CFAP69: variants seen among roughly 807,000 people sequenced by gnomAD.
CFAP69 encodes the protein cilia- and flagella-associated protein 69.
Under a neutral mutation model 123.0 loss-of-function variants are expected in CFAP69, and 92 were observed. That is an observed-to-expected ratio of 0.75 (90% CI 0.63 to 0.89). CFAP69 has a LOEUF of 0.89. Ranked by LOEUF, CFAP69 falls within the 40% of genes least tolerant of loss-of-function variation. The probability of loss-of-function intolerance (pLI) is 0.00; values close to 1 mark genes in which losing one functional copy is unlikely to be tolerated. For missense variants in CFAP69, 1,067 were observed against 1,096.9 expected, an observed-to-expected ratio of 0.97 and a Z score of 0.39; for synonymous variants, 380 against 364.3, an observed-to-expected ratio of 1.04 and a Z score of -0.49.
intron 6 of CFAP69, among the ~76,000 whole-genome samples, chr7:90,271,199 C>G (rs1159220949): frequency 6.6e-6 from 1 of 152,010 alleles, no homozygotes; most frequent in Non-Finnish European, 1.5e-5. Flanking sequence ...ACTCTGGGTC[C>G]CAGGTCAAAC....
chr7:90,314,584 G>A (rs1281236298), downstream of CFAP69, among the ~76,000 whole-genome samples: 2 of 150,872 alleles, frequency 1.3e-5, no homozygotes, highest in Non-Finnish European at 2.9e-5. Context: ...AGCCGTGATT[G>A]CACCACTGAC....
intron 5 of CFAP69, 51 bp downstream of exon 5, chr7:90,265,428 A>G (rs1160725358): frequency 1.7e-6 from 2 of 1,209,908 alleles, no homozygotes; most frequent in African/African-American, 1.5e-5. Flanking sequence ...GACAGGTCCT[A>G]CTGACAAGGG....
At chr7:90,256,465 G>A (rs970441428) in intron 2 of CFAP69, among the ~76,000 whole-genome samples, 6 of 151,520 alleles carry the variant, frequency 4.0e-5, no homozygotes, top group Admixed American at 1.3e-4. Context: ...CACATGGCAC[G>A]TGTATACCTA....
At chr7:90,305,724 T>C in intron 19 of CFAP69, among the ~76,000 whole-genome samples, 1 of 106,950 alleles carries the variant, frequency 9.4e-6, no homozygotes, top group East Asian at 2.1e-4. Context: ...TAAAATAAAT[T>C]ATTAATACTT....
At chr7:90,299,418 T>C (rs1362373481) in intron 16 of CFAP69, among the ~76,000 whole-genome samples, 5 of 152,164 alleles carry the variant, frequency 3.3e-5, no homozygotes, top group African/African-American at 1.2e-4. Context: ...GATTGTCATT[T>C]GCAGTTACCA....
At chr7:90,290,782 TTTCTTTTCTTTTCTTTTCTTTTCTTTTC>T (rs1212141858) in intron 15 of CFAP69, among the ~76,000 whole-genome samples, 2 of 129,818 alleles carry the variant, frequency 1.5e-5, no homozygotes, top group Admixed American at 7.9e-5. Context: ...TTTCTTTTCT[TTTCTTTTCTTTTCTTTTCTTTTCTTTTC>T]TTTTCTTTTC....
chr7:90,314,724 T>TTTA (rs1794622545), downstream of CFAP69, among the ~76,000 whole-genome samples: 2 of 152,102 alleles, frequency 1.3e-5, no homozygotes, highest in South Asian at 4.1e-4. Flanking sequence ...TTTGGTATTT[T>TTTA]TTATTATTAT....
intron 4 of CFAP69, among the ~76,000 whole-genome samples, chr7:90,264,100 AAAAAATATAT>A (rs1293781972): frequency 6.1e-5 from 2 of 33,052 alleles, no homozygotes; most frequent in Non-Finnish European, 1.5e-4. Flanking sequence ...CGAAAAAAAA[AAAAAATATAT>A]ATATATATAT....
At chr7:90,318,563 A>G in the CFAP69 span, 5 of 152,136 alleles carry the variant, frequency 3.3e-5, no homozygotes, top group Admixed American at 2.6e-4. Flanking sequence ...ATATTAATAT[A>G]TAAGATACCT....
intron 17 of CFAP69, chr7:90,300,943 C>T (rs1792710844): frequency 6.6e-6 from 1 of 152,284 alleles, no homozygotes; most frequent in Non-Finnish European, 1.5e-5. Flanking sequence ...TGAGCCACCA[C>T]ACCTGGCCAA....
intron 1 of CFAP69, among the ~76,000 whole-genome samples, chr7:90,250,460 C>T (rs556003025): frequency 1.3e-5 from 2 of 152,266 alleles, no homozygotes; most frequent in South Asian, 4.1e-4. Flanking sequence ...GAAAGGACCA[C>T]TATAAGTGTT....
At chr7:90,251,670 C>CA (rs138040431) in intron 1 of CFAP69, among the ~76,000 whole-genome samples, 26,728 of 151,174 alleles carry the variant, frequency 0.18, 2,462 homozygotes, top group Middle Eastern at 0.2. Context: ...ATTCCTGAAA[C>CA]AAAAAAAACC....
chr7:90,299,598 A>G (rs1792468523), intron 16 of CFAP69, among the ~76,000 whole-genome samples: 1 of 152,102 alleles, frequency 6.6e-6, no homozygotes, highest in African/African-American at 2.4e-5. Flanking sequence ...ATCTTTTTCC[A>G]ACTCAGCCAC....
rs903099038 is a variant in CFAP69 at position 90,304,217 on chromosome 7, G to A, written c.2188+111G>A. The A allele has an allele frequency of 2.4e-5, 33 of 1,400,110 alleles. No homozygotes were observed. The African/African-American group carries it at 2.5e-4, about 11-fold the overall frequency. 86.7% of individuals were successfully genotyped at this position (1,400,110 alleles called of 1,614,324 possible). On this transcript the variant is annotated intron_variant, in intron 18 of 22. Coordinates refer to ENST00000389297, the MANE Select transcript of CFAP69 (RefSeq NM_001039706.3). The stretch of plus-strand genomic sequence containing the variant: ...ATGAGCAAAAATCTCTTTATATAGA[G>A]AAATTCATTTTCCATTGTTACCCCA...
chr7:90,306,599 C>T (rs752009310), intron 19 of CFAP69, among the ~76,000 whole-genome samples: 1 of 152,144 alleles, frequency 6.6e-6, no homozygotes, highest in Non-Finnish European at 1.5e-5. Context: ...GTTTCTGCAG[C>T]TGTGAAATCA....
At chr7:90,275,037 G>T (rs531139323) in intron 9 of CFAP69, among the ~76,000 whole-genome samples, 1 of 151,836 alleles carries the variant, frequency 6.6e-6, no homozygotes, top group Admixed American at 6.6e-5. Flanking sequence ...TATTCTTCAG[G>T]TTGGATAATT....
chr7:90,292,880 TA>T (rs1220065671), intron 15 of CFAP69, among the ~76,000 whole-genome samples: 4 of 152,214 alleles, frequency 2.6e-5, no homozygotes, highest in African/African-American at 9.6e-5. Flanking sequence ...TCTCCAAAGT[TA>T]TCAGAAACCT....
intron 19 of CFAP69, among the ~76,000 whole-genome samples, chr7:90,306,585 A>T (rs564027683): frequency 1.1e-4 from 17 of 152,324 alleles, no homozygotes; most frequent in Admixed American, 7.2e-4. Flanking sequence ...AGAATAAATC[A>T]GCAGTTTCTG....
At chr7:90,261,191 T>C (rs1798280231) in intron 3 of CFAP69, among the ~76,000 whole-genome samples, 1 of 152,000 alleles carries the variant, frequency 6.6e-6, no homozygotes, top group African/African-American at 2.4e-5. Context: ...GCGATTCTCC[T>C]GCCTCAGCCT....
Sources: allele counts gnomAD v4.1 joint callset (sites outside exome capture counted in the v4.1 genomes callset), GRCh38; gene constraint gnomAD v4.1.1; transcripts MANE v1.5; gene names NCBI Gene and HGNC (gene_info 2026-07-23, HGNC 2026-07-21).